The following AXDND1 variants were observed in gnomAD, a reference collection of about 807,000 sequenced individuals.
The protein encoded by AXDND1 is axonemal dynein light chain domain-containing protein 1.
In AXDND1, 110 loss-of-function variants were observed where a neutral mutation model predicts 137.5. The ratio of observed to expected loss-of-function variants is 0.80; its 90% confidence interval spans 0.69 to 0.94. AXDND1 has a LOEUF of 0.94. Among genes scored for constraint, AXDND1 ranks in the 40% least tolerant of loss-of-function variants. The probability of loss-of-function intolerance (pLI) is 0.00; values close to 1 mark genes in which losing one functional copy is unlikely to be tolerated. For missense variants in AXDND1, 1,191 were observed against 1,169.8 expected, an observed-to-expected ratio of 1.02 and a Z score of -0.26; for synonymous variants, 414 against 399.7, an observed-to-expected ratio of 1.04 and a Z score of -0.43.
At chr1:179,507,801 T>C (rs1668675008) in intron 20 of AXDND1, among the ~76,000 whole-genome samples, 2 of 152,066 alleles carry the variant, frequency 1.3e-5, no homozygotes, top group Admixed American at 6.6e-5. Context: ...ATAAGGACTA[T>C]TAGGCATTTA....
chr1:179,448,916 G>C (rs1394961463), intron 16 of AXDND1: 1 of 180,864 alleles, frequency 5.5e-6, no homozygotes, highest in Non-Finnish European at 1.2e-5. Flanking sequence ...AGACAGAGTT[G>C]TGCTGTGTCA....
chr1:179,533,807 AAGCAAGGT>A lies in AXDND1; in HGVS notation c.2730_2737del (p.Lys910AsnfsTer8). ...TTTCCTCTGTCAGAGAGAGTCAGCT[AAGCAAGGT>A]ACATTGGCCCAAAAATATCTTGAAG... is the stretch of plus-strand genomic sequence containing the variant. On this transcript the variant is annotated frameshift_variant, in exon 24 of 26. Transcript: ENST00000367618. LOFTEE classifies it high-confidence loss of function. 6.2e-7 allele frequency: 1 copy of A among 1,612,172 alleles called. No individual in the cohort carries two copies. The highest frequency in any genetic ancestry group is 1.7e-4 in the Middle Eastern group (1 of 6,048).
chr1:179,475,166 G>A (rs1374526904), intron 17 of AXDND1, among the ~76,000 whole-genome samples: 3 of 152,256 alleles, frequency 2.0e-5, no homozygotes, highest in South Asian at 4.1e-4. Context: ...TAGCCCTCAT[G>A]GAGAACCTCT....
intron 18 of AXDND1, among the ~76,000 whole-genome samples, chr1:179,483,597 C>T (rs903436464): frequency 6.6e-6 from 1 of 152,180 alleles, no homozygotes; most frequent in Non-Finnish European, 1.5e-5. Context: ...TATTCCAGCA[C>T]TGTTGGTATC....
intron 16 of AXDND1, among the ~76,000 whole-genome samples, chr1:179,463,288 A>G (rs560772719): frequency 2.6e-4 from 39 of 152,248 alleles, no homozygotes; most frequent in Admixed American, 1.6e-3. Context: ...ACACTGCTTT[A>G]AATGTGTTCC....
chr1:179,541,630 C>T (rs1017138020), intron 25 of AXDND1, among the ~76,000 whole-genome samples: 2 of 151,404 alleles, frequency 1.3e-5, no homozygotes, highest in Admixed American at 6.6e-5. Context: ...TTAAAACATG[C>T]ATATATTTAT....
At chr1:179,438,757 G>T (rs985851380) in intron 15 of AXDND1, among the ~76,000 whole-genome samples, 2 of 152,200 alleles carry the variant, frequency 1.3e-5, no homozygotes, top group South Asian at 4.1e-4. Flanking sequence ...GGCAAGATTT[G>T]CAGGTCAATT....
intron 12 of AXDND1, among the ~76,000 whole-genome samples, chr1:179,425,552 A>G (rs907654973): frequency 2.6e-5 from 4 of 151,566 alleles, no homozygotes; most frequent in African/African-American, 9.7e-5. Flanking sequence ...AGGAATCAAC[A>G]TGATGGGGTC....
At chr1:179,476,451 G>GT (rs1664634975) in intron 17 of AXDND1, among the ~76,000 whole-genome samples, 1 of 151,932 alleles carries the variant, frequency 6.6e-6, no homozygotes, top group Admixed American at 6.6e-5. Flanking sequence ...ATAATGCCTT[G>GT]TTTTTTGTGT....
intron 16 of AXDND1, among the ~76,000 whole-genome samples, chr1:179,445,691 C>T (rs1212298588): frequency 6.6e-6 from 1 of 152,120 alleles, no homozygotes; most frequent in Non-Finnish European, 1.5e-5. Flanking sequence ...CAGTACTTCA[C>T]CCATTTTTAT....
In AXDND1 at chr1:179,509,315, T is replaced by A; in HGVS notation, c.2408T>A (p.Ile803Asn). ...TCTCAGAAAGAATGTTATGAATGGA[T>A]CAACACATGCTCTTGCCTCCTTTCT... ...DKLKKECYEW[I>N]NTCSCLLSNI... Residue 803 changes from isoleucine (I) to asparagine (N), a missense_variant, in exon 21 of 26, where the codon ATC becomes AAC. Physicochemically the swap from Ile to Asn is moderately radical, Grantham distance 149. Transcript: ENST00000367618. 2.5e-6 allele frequency: 4 copies of A among 1,611,082 alleles called. No homozygotes were observed. Among genetic ancestry groups the A allele is most frequent in the South Asian group, 1.1e-5 (1 of 90,916 alleles).
At chr1:179,368,474 T>A (rs962066400) in intron 2 of AXDND1, among the ~76,000 whole-genome samples, 8 of 152,232 alleles carry the variant, frequency 5.3e-5, no homozygotes, top group Non-Finnish European at 8.8e-5. Flanking sequence ...CATTCATTCC[T>A]GTCTTCTTAA....
intron 11 of AXDND1, among the ~76,000 whole-genome samples, chr1:179,408,651 AC>A (rs1653359036): frequency 6.6e-6 from 1 of 152,202 alleles, no homozygotes; most frequent in African/African-American, 2.4e-5. Context: ...TGCTGAGGTT[AC>A]AGGCATGAGC....
chr1:179,528,863 A>G (rs1383988400), intron 23 of AXDND1, among the ~76,000 whole-genome samples: 1 of 152,092 alleles, frequency 6.6e-6, no homozygotes, highest in African/African-American at 2.4e-5. Flanking sequence ...AAGAGCTGGG[A>G]CTGCAGACGC....
intron 17 of AXDND1, among the ~76,000 whole-genome samples, chr1:179,479,919 C>T (rs1665148414): frequency 6.6e-6 from 1 of 152,206 alleles, no homozygotes; most frequent in African/African-American, 2.4e-5. Flanking sequence ...GTCTTCTTTG[C>T]TCCGGTTCCC....
chr1:179,366,801 CTAAA>C (rs1170010023), intron 2 of AXDND1, among the ~76,000 whole-genome samples, 195 bp downstream of exon 2: 1 of 151,034 alleles, frequency 6.6e-6, no homozygotes, highest in Non-Finnish European at 1.5e-5. Flanking sequence ...ACTACTCCAT[CTAAA>C]TACAGTTTAT....
chr1:179,367,983 T>C (rs996327265), intron 2 of AXDND1, among the ~76,000 whole-genome samples: 1 of 151,772 alleles, frequency 6.6e-6, no homozygotes, highest in South Asian at 2.1e-4. Context: ...TTTTTTTTTT[T>C]CTTCTGTTTC....
At chr1:179,422,162 T>C (rs1199816579) in intron 12 of AXDND1, among the ~76,000 whole-genome samples, 2 of 152,238 alleles carry the variant, frequency 1.3e-5, no homozygotes. Context: ...TAATTTTAGG[T>C]TTGGTTTGTT....
Position 179,385,303 on chromosome 1 carries a change from T to C in AXDND1, c.807T>C (p.Leu269=). The change falls in exon 9 of 26, where the codon CTT becomes CTC. Residue 269 remains leucine, a synonymous_variant. Transcript: ENST00000367618. Reference sequence around the variant, plus strand: ...TTTACAACATGATATTTCATGAACTTATTCGACAAGTCAGTGTGGACTGTG... The same window carrying C: ...TTTACAACATGATATTTCATGAACTCATTCGACAAGTCAGTGTGGACTGTG... ...QTIYNMIFHE[L]IRQVSVDCAD... The C allele has an allele frequency of 6.2e-7, 1 of 1,613,732 alleles. No homozygotes were observed. The highest frequency in any genetic ancestry group is 8.5e-7 in the Non-Finnish European group (1 of 1,179,662).
Sources: allele counts gnomAD v4.1 joint callset (sites outside exome capture counted in the v4.1 genomes callset), GRCh38; gene constraint gnomAD v4.1.1; transcripts MANE v1.5; gene names NCBI Gene and HGNC (gene_info 2026-07-23, HGNC 2026-07-21).